Variants in NEMP2 observed in about 807,000 individuals in gnomAD.
NEMP2 encodes the protein nuclear envelope integral membrane protein 2.
A neutral mutation model predicts 54.2 loss-of-function variants in NEMP2; 53 were observed. The ratio of observed to expected loss-of-function variants is 0.98; its 90% CI spans 0.78 to 1.23. The LOEUF (loss-of-function observed/expected upper bound fraction) is 1.23, where lower values mean the gene tolerates loss of function less well. NEMP2 is among the 50% of genes most tolerant of loss of function. The pLI, the probability that NEMP2 is intolerant of heterozygous loss-of-function variation, is 0.00. For missense variants in NEMP2, 455 were observed against 511.3 expected (o/e 0.89, Z 1.06); for synonymous variants, 197 against 190.3 (o/e 1.04, Z -0.29).
In NEMP2 at chr2:190,527,458, C is replaced by A. The variant is rs533757654; in HGVS notation, c.98-2080G>T. On this transcript the variant is annotated intron_variant, in intron 1 of 8. Transcript: ENST00000409150. This position sits in a 1 kb window ranked among gnomAD's most constrained non-coding sequence, Gnocchi z 4.0. ...GTTTTCCGGTGGCCACACGAAGCAG[C>A]AAAATTACACAAGGACCCAACGTAT... 6.6e-6 allele frequency among the ~76,000 whole-genome samples: 1 copy of A among 152,220 alleles called. No individual in the cohort carries two copies. The highest frequency in any genetic ancestry group is 1.9e-4 in the East Asian group (1 of 5,184).
rs1000176474 is a variant in NEMP2 at position 190,507,659 on chromosome 2, A to C, written c.*1530T>G. The stretch of plus-strand genomic sequence containing the variant: ...CAGATTAACTTTAGTGGATATTACA[A>C]AAAAAAAAGTTCCCAGTATGAAAAG... On this transcript the variant is annotated 3_prime_UTR_variant, in exon 9 of 9. Transcript: ENST00000409150. The surrounding 1 kb of genome is among the most constrained non-coding windows in gnomAD (Gnocchi z 4.4). 21 of 151,256 alleles carry C rather than the reference A, an allele frequency of 1.4e-4. No individual in the cohort carries two copies. The highest frequency in any genetic ancestry group is 5.1e-4 in the African/African-American group (21 of 41,258). 9.4% of individuals were successfully genotyped at this position (151,256 alleles called of 1,614,324 possible). A position where few individuals can be genotyped will look rare whatever the true frequency, so the allele number is the denominator to read the frequency against.
At chr2:190,564,519 T>C in the NEMP2 span, among the ~76,000 whole-genome samples, 2 of 152,234 alleles carry the variant, frequency 1.3e-5, no homozygotes, top group Non-Finnish European at 2.9e-5. The surrounding 1 kb of genome is among the most constrained non-coding windows in gnomAD (Gnocchi z 4.2). Context: ...CCCTCTTATG[T>C]ATTTTATCAC....
At chr2:190,585,466 C>T in the NEMP2 span, among the ~76,000 whole-genome samples, 1 of 152,148 alleles carries the variant, frequency 6.6e-6, no homozygotes, top group Non-Finnish European at 1.5e-5. This position sits in a 1 kb window ranked among gnomAD's most constrained non-coding sequence, Gnocchi z 5.3. Context: ...AGAATGGGTG[C>T]TCCCTCTTTC....
chr2:190,576,855 G>T, the NEMP2 span, among the ~76,000 whole-genome samples: 23 of 152,206 alleles, frequency 1.5e-4, no homozygotes, highest in Non-Finnish European at 2.2e-4. Flanking sequence ...AATATAGGGA[G>T]TAAGTAGGCA....
rs1233219265 is a variant in NEMP2 at position 190,509,705 on chromosome 2, G to C, written c.1131-393C>G. On this transcript the variant is annotated intron_variant, in intron 8 of 8. Coordinates refer to ENST00000409150, the MANE Select transcript of NEMP2 (RefSeq NM_001142645.2). The surrounding 1 kb of genome is among the most constrained non-coding windows in gnomAD (Gnocchi z 6.1). ...AGTTATGAGGAAGAGAAAGCAATAA[G>C]GAAAAATTTTGGGACAGACGTCTTT... is the stretch of plus-strand genomic sequence containing the variant. 2.6e-5 allele frequency among the ~76,000 whole-genome samples: 4 copies of C among 152,204 alleles called. No homozygotes were observed. The highest frequency in any genetic ancestry group is 5.9e-5 in the Non-Finnish European group (4 of 68,042).
In NEMP2 at chr2:190,530,736, T is replaced by C. The variant is rs1691115649; in HGVS notation, c.97+3823A>G. Among the ~76,000 whole-genome samples the C allele has an allele frequency of 6.6e-6, 1 of 152,254 alleles. No homozygotes were observed. The highest frequency in any genetic ancestry group is 1.9e-4 in the East Asian group (1 of 5,202). ...CTTATTTGAACTCTATGGCTGATTA[T>C]GCCCTGACACTGAAGGCTATGAAGC... On this transcript the variant is annotated intron_variant, in intron 1 of 8. Transcript: ENST00000409150. The surrounding 1 kb of genome is among the most constrained non-coding windows in gnomAD (Gnocchi z 4.6).
At chr2:190,476,667 C>T in the NEMP2 span, among the ~76,000 whole-genome samples, 116 of 152,234 alleles carry the variant, frequency 7.6e-4, 1 homozygote, top group African/African-American at 2.6e-3. Flanking sequence ...GGATCTAGAA[C>T]TAGAAATACC....
chr2:190,475,963 A>C, the NEMP2 span, among the ~76,000 whole-genome samples: 9 of 152,242 alleles, frequency 5.9e-5, no homozygotes, highest in Non-Finnish European at 1.2e-4. Flanking sequence ...AAATAGGGAA[A>C]GGATTCCCTA....
the NEMP2 span, among the ~76,000 whole-genome samples, chr2:190,627,591 G>GT: frequency 7.9e-6 from 1 of 127,318 alleles, no homozygotes; most frequent in African/African-American, 3.5e-5. The surrounding 1 kb of genome is among the most constrained non-coding windows in gnomAD (Gnocchi z 4.4). Context: ...AAAGTTCTTA[G>GT]GGAAAAAAAA....
the NEMP2 span, among the ~76,000 whole-genome samples, chr2:190,434,559 C>T: frequency 9.4e-4 from 143 of 152,250 alleles, no homozygotes; most frequent in Non-Finnish European, 1.4e-3. The surrounding 1 kb of genome is among the most constrained non-coding windows in gnomAD (Gnocchi z 4.3). Context: ...CCTCAGCTTC[C>T]CAAGTAGCTG....
chr2:190,554,046 C>T, the NEMP2 span, among the ~76,000 whole-genome samples: 3 of 152,256 alleles, frequency 2.0e-5, no homozygotes, highest in Non-Finnish European at 2.9e-5. The surrounding 1 kb of genome is among the most constrained non-coding windows in gnomAD (Gnocchi z 5.7). Context: ...TCGCCTCATC[C>T]GGGAAGCACA....
chr2:190,552,601 TC>T, the NEMP2 span, among the ~76,000 whole-genome samples: 1 of 151,906 alleles, frequency 6.6e-6, no homozygotes, highest in South Asian at 2.1e-4. Context: ...ACACCTATAA[TC>T]CCAGCTACTT....
At chr2:190,556,730 T>C in the NEMP2 span, among the ~76,000 whole-genome samples, 2 of 152,136 alleles carry the variant, frequency 1.3e-5, no homozygotes, top group Admixed American at 1.3e-4. Flanking sequence ...TCACAATTGC[T>C]ACAAAGATAA....
At chr2:190,584,007 C>T in the NEMP2 span, among the ~76,000 whole-genome samples, 2 of 152,086 alleles carry the variant, frequency 1.3e-5, no homozygotes, top group African/African-American at 2.4e-5. This position sits in a 1 kb window ranked among gnomAD's most constrained non-coding sequence, Gnocchi z 4.2. Context: ...AGAGTGGGTT[C>T]CAGCCTCTCT....
chr2:190,641,221 C>G, the NEMP2 span: 1 of 152,184 alleles, frequency 6.6e-6, no homozygotes, highest in Non-Finnish European at 1.5e-5. Context: ...GTCATAAGTA[C>G]AGACACATCT....
chr2:190,591,475 G>A, the NEMP2 span, among the ~76,000 whole-genome samples: 1 of 151,698 alleles, frequency 6.6e-6, no homozygotes. This position sits in a 1 kb window ranked among gnomAD's most constrained non-coding sequence, Gnocchi z 5.4. Flanking sequence ...CTTGCTCTGC[G>A]TGTGTGTGCG....
At chr2:190,467,765 A>G in the NEMP2 span, among the ~76,000 whole-genome samples, 1 of 152,220 alleles carries the variant, frequency 6.6e-6, no homozygotes, top group Non-Finnish European at 1.5e-5. The surrounding 1 kb of genome is among the most constrained non-coding windows in gnomAD (Gnocchi z 5.5). Context: ...CACAAGAAGA[A>G]TAAGATTTTG....
chr2:190,482,874 T>TC, the NEMP2 span, among the ~76,000 whole-genome samples: 1 of 23,424 alleles, frequency 4.3e-5, no homozygotes, highest in Non-Finnish European at 1.1e-4. Context: ...TCATCTTTTT[T>TC]TTTTTTTTTT....
the NEMP2 span, among the ~76,000 whole-genome samples, chr2:190,441,042 C>T: frequency 5.3e-5 from 8 of 152,092 alleles, no homozygotes; most frequent in African/African-American, 1.4e-4. Context: ...ACTCTGCAGC[C>T]GGGTGTTCAA....
Sources: gnomAD v4.1 joint callset for allele counts (sites outside exome capture counted in the v4.1 genomes callset) on GRCh38, gnomAD v4.1.1 for gene constraint, Gnocchi (gnomAD v3.1) non-coding constraint, MANE v1.5 for transcripts, NCBI Gene and HGNC (gene_info 2026-07-23, HGNC 2026-07-21) for gene names.